Variants in FER observed in about 807,000 individuals in gnomAD.
The protein encoded by FER is tyrosine-protein kinase Fer.
A neutral mutation model predicts 111.0 loss-of-function variants in FER; 63 were observed. The ratio of observed to expected loss-of-function variants is 0.57; its 90% confidence interval spans 0.46 to 0.70. The LOEUF (loss-of-function observed/expected upper bound fraction) is 0.70. Among genes scored for constraint, FER ranks in the 30% least tolerant of loss-of-function variants. The probability of loss-of-function intolerance (pLI) is 0.00; values close to 1 mark genes in which losing one functional copy is unlikely to be tolerated. For missense variants in FER, 914 were observed against 954.0 expected (o/e 0.96, Z 0.55); for synonymous variants, 327 against 313.9 (o/e 1.04, Z -0.44).
chr5:108,936,656 G>A (rs183308588), intron 10 of FER, among the ~76,000 whole-genome samples: 425 of 151,958 alleles, frequency 2.8e-3, no homozygotes, highest in African/African-American at 9.6e-3. Context: ...ATTAAGCCCT[G>A]GAGGTGTTAT....
At chr5:109,118,185 T>C (rs1414226672) in intron 17 of FER, among the ~76,000 whole-genome samples, 1 of 152,216 alleles carries the variant, frequency 6.6e-6, no homozygotes, top group African/African-American at 2.4e-5. Flanking sequence ...GTCCCATCAA[T>C]ACCTAATTCA....
At chr5:108,898,997 A>G (rs940152373) in intron 10 of FER, among the ~76,000 whole-genome samples, 1 of 150,228 alleles carries the variant, frequency 6.7e-6, no homozygotes, top group Non-Finnish European at 1.5e-5. Flanking sequence ...GAACTATTAT[A>G]GTTATGCTAT....
intron 17 of FER, among the ~76,000 whole-genome samples, chr5:109,171,359 A>G (rs1393781694): frequency 6.6e-6 from 1 of 152,212 alleles, no homozygotes; most frequent in Non-Finnish European, 1.5e-5. Context: ...GTTAATCCCT[A>G]GTCCAGAACT....
At chr5:108,938,840 G>A (rs1040989476) in intron 10 of FER, among the ~76,000 whole-genome samples, 20 of 151,944 alleles carry the variant, frequency 1.3e-4, no homozygotes, top group African/African-American at 4.3e-4. Flanking sequence ...CCAAGACAAA[G>A]CCATGACTGA....
At chr5:109,152,293 T>C (rs917044005) in intron 17 of FER, among the ~76,000 whole-genome samples, 1 of 152,006 alleles carries the variant, frequency 6.6e-6, no homozygotes, top group African/African-American at 2.4e-5. Context: ...CCCAAATCTT[T>C]GTTTTAATCT....
chr5:109,169,674 C>T (rs1756904039), intron 17 of FER, among the ~76,000 whole-genome samples: 1 of 152,140 alleles, frequency 6.6e-6, no homozygotes, highest in Non-Finnish European at 1.5e-5. Context: ...AAATATATTT[C>T]CCCTTTGTAT....
chr5:108,902,038 C>T (rs184643687), intron 10 of FER, among the ~76,000 whole-genome samples: 15 of 152,304 alleles, frequency 9.8e-5, no homozygotes, highest in African/African-American at 3.4e-4. Flanking sequence ...CAAAGGTTCA[C>T]TCTACTTCTC....
At position 108,819,834 on chromosome 5, in the gene FER, G is replaced by A; in HGVS notation, c.208-12936G>A. 4 of 985,324 alleles carry A rather than the reference G, an allele frequency of 4.1e-6. No homozygotes were observed. The African/African-American group carries it at 7.0e-5, about 17-fold the overall frequency. 61.0% of individuals were successfully genotyped at this position (985,324 alleles called of 1,614,324 possible). ...TATACCTTCTGGGAGTAAGAACTGA[G>A]TTTTAATTTTTTTCCCCCAGAAGTC... On this transcript the variant is annotated intron_variant, in intron 3 of 19. Coordinates refer to ENST00000281092, the MANE Select transcript of FER (RefSeq NM_005246.4).
chr5:108,793,713 C>T (rs1289295170), intron 2 of FER, among the ~76,000 whole-genome samples: 2 of 151,958 alleles, frequency 1.3e-5, no homozygotes, highest in East Asian at 1.9e-4. Context: ...TTTTTCCTTT[C>T]CTGTCTTCCT....
In FER at chr5:108,984,772, A is replaced by G. The variant is rs144939055; in HGVS notation, c.1656+25425A>G. 4.9e-3 allele frequency among the ~76,000 whole-genome samples: 752 copies of G among 152,202 alleles called. 3 individuals are homozygous for G. The highest frequency in any genetic ancestry group is 0.017 in the African/African-American group (710 of 41,566). Reference sequence around the variant, plus strand: ...CAATTGGAAAGGGAATTTTCTCTCAATCCGTGGTGGTGAGATAAACTGGTA... The same window carrying G: ...CAATTGGAAAGGGAATTTTCTCTCAGTCCGTGGTGGTGAGATAAACTGGTA... On this transcript the variant is annotated intron_variant, in intron 13 of 19. Transcript: ENST00000281092.
intron 13 of FER, among the ~76,000 whole-genome samples, chr5:109,028,672 T>G (rs1418733046): frequency 6.6e-6 from 1 of 152,228 alleles, no homozygotes; most frequent in Non-Finnish European, 1.5e-5. Context: ...CTCACATAAG[T>G]TAACATTAAG....
intron 13 of FER, among the ~76,000 whole-genome samples, chr5:109,029,969 GCCTTACAGGTT>G (rs1420024486): frequency 2.0e-5 from 3 of 151,984 alleles, no homozygotes; most frequent in Non-Finnish European, 4.4e-5. Context: ...GGGATTGCTT[GCCTTACAGGTT>G]CCTAAGGTTC....
At chr5:109,034,560 A>G (rs1164768682) in intron 13 of FER, among the ~76,000 whole-genome samples, 1 of 151,978 alleles carries the variant, frequency 6.6e-6, no homozygotes, top group African/African-American at 2.4e-5. Flanking sequence ...AGTAGCCCAT[A>G]AATCCTTGAC....
chr5:108,955,855 C>G (rs1758355876), intron 12 of FER, among the ~76,000 whole-genome samples: 1 of 151,706 alleles, frequency 6.6e-6, no homozygotes, highest in South Asian at 2.1e-4. Context: ...ACATACATCT[C>G]TTAATAAGTT....
At chr5:109,137,141 C>A (rs995861348) in intron 17 of FER, among the ~76,000 whole-genome samples, 4 of 152,098 alleles carry the variant, frequency 2.6e-5, no homozygotes, top group Non-Finnish European at 5.9e-5. Context: ...GTTCATTAGG[C>A]TCTGTGAAGG....
chr5:109,036,960 A>G (rs906719976), intron 13 of FER, among the ~76,000 whole-genome samples: 1 of 152,108 alleles, frequency 6.6e-6, no homozygotes, highest in Admixed American at 6.5e-5. Flanking sequence ...ATAGACAGCT[A>G]TAACTCATGG....
chr5:108,970,495 C>T (rs1760495140), intron 13 of FER, among the ~76,000 whole-genome samples: 2 of 152,170 alleles, frequency 1.3e-5, no homozygotes, highest in Non-Finnish European at 2.9e-5. Context: ...GCTGGGATTA[C>T]AGGCGTGAGC....
At chr5:108,848,734 T>C (rs867404139) in intron 5 of FER, among the ~76,000 whole-genome samples, 14 of 152,098 alleles carry the variant, frequency 9.2e-5, no homozygotes, top group Non-Finnish European at 1.8e-4. Flanking sequence ...ATATTTCATA[T>C]ATTTATCCAA....
In FER at chr5:109,190,082, T is replaced by C. The variant is rs1759269965; in HGVS notation, c.*2507T>C. 6.6e-6 allele frequency: 1 copy of C among 152,146 alleles called. No individual in the cohort carries two copies. The highest frequency in any genetic ancestry group is 2.4e-5 in the African/African-American group (1 of 41,446). 9.4% of individuals were successfully genotyped at this position (152,146 alleles called of 1,614,324 possible). Reference sequence around the variant, plus strand: ...ATTAAGAAAAACTTACGCAAACAGTTTTTCACTGTTAATTTTGTTGTGCTT... The same window carrying C: ...ATTAAGAAAAACTTACGCAAACAGTCTTTCACTGTTAATTTTGTTGTGCTT... On this transcript the variant is annotated 3_prime_UTR_variant, in exon 20 of 20. Transcript: ENST00000281092.
Sources: allele counts gnomAD v4.1 joint callset (sites outside exome capture counted in the v4.1 genomes callset), GRCh38; gene constraint gnomAD v4.1.1; transcripts MANE v1.5; gene names NCBI Gene and HGNC (gene_info 2026-07-23, HGNC 2026-07-21).